The following ATRNL1 variants were observed in gnomAD, a reference collection of about 807,000 sequenced individuals.
ATRNL1 encodes the protein attractin like 1.
In ATRNL1, 95 loss-of-function variants were observed where a neutral mutation model predicts 182.7. That is an observed-to-expected ratio of 0.52 (90% CI 0.44 to 0.62). The LOEUF is 0.62. Among genes scored for constraint, ATRNL1 ranks in the 20% least tolerant of loss-of-function variants. The pLI is 0.00. For missense variants in ATRNL1, 1,471 were observed against 1,679.5 expected (o/e 0.88, Z 2.17); for synonymous variants, 576 against 568.3 (o/e 1.01, Z -0.19).
At chr10:115,802,807 G>A (rs1256472076) in intron 27 of ATRNL1, among the ~76,000 whole-genome samples, 1 of 152,102 alleles carries the variant, frequency 6.6e-6, no homozygotes, top group Non-Finnish European at 1.5e-5. Context: ...CCATAAATCA[G>A]CAAATCAGAT....
intron 13 of ATRNL1, among the ~76,000 whole-genome samples, chr10:115,278,023 T>C (rs1393128303): frequency 6.6e-6 from 1 of 152,178 alleles, no homozygotes; most frequent in Admixed American, 6.5e-5. Context: ...TATCTTTTTA[T>C]ATTGTATTGG....
intron 27 of ATRNL1, among the ~76,000 whole-genome samples, chr10:115,803,599 G>GT (rs71999018): frequency 0.25 from 36,389 of 146,826 alleles, 4,463 homozygotes; most frequent in South Asian, 0.36. Context: ...GTTTTTTTGT[G>GT]TTTTTTTTTT....
intron 24 of ATRNL1, among the ~76,000 whole-genome samples, chr10:115,486,266 T>C (rs1554975110): frequency 1.3e-5 from 2 of 152,158 alleles, no homozygotes; most frequent in African/African-American, 4.8e-5. Flanking sequence ...TACCCAGTAA[T>C]GAGATTGCTG....
chr10:115,653,053 T>A (rs1761993780), intron 26 of ATRNL1, among the ~76,000 whole-genome samples: 1 of 152,158 alleles, frequency 6.6e-6, no homozygotes, highest in Non-Finnish European at 1.5e-5. Context: ...AACTGTAAAC[T>A]AAATCAATAG....
chr10:115,674,078 G>A (rs1302720664), intron 26 of ATRNL1, among the ~76,000 whole-genome samples: 1 of 152,052 alleles, frequency 6.6e-6, no homozygotes, highest in African/African-American at 2.4e-5. Context: ...ATGTGCAAAG[G>A]AGAAAGCAAA....
chr10:115,534,955 TAG>T (rs1432812537), intron 25 of ATRNL1, among the ~76,000 whole-genome samples: 1 of 152,256 alleles, frequency 6.6e-6, no homozygotes, highest in Non-Finnish European at 1.5e-5. Flanking sequence ...TTCTGGCTTG[TAG>T]AGTTTCTGCT....
At chr10:115,894,032 T>G (rs529266240) in intron 28 of ATRNL1, among the ~76,000 whole-genome samples, 2 of 152,098 alleles carry the variant, frequency 1.3e-5, no homozygotes, top group South Asian at 4.2e-4. Flanking sequence ...GGGGAATAGA[T>G]GGAAATTTCA....
At chr10:115,371,773 T>C (rs1464154592) in intron 19 of ATRNL1, among the ~76,000 whole-genome samples, 14 of 152,046 alleles carry the variant, frequency 9.2e-5, no homozygotes, top group African/African-American at 3.4e-4. Context: ...GAAGACATGA[T>C]TGGTTTTGGA....
At chr10:115,104,541 T>A (rs539818424) in intron 1 of ATRNL1, among the ~76,000 whole-genome samples, 1 of 152,310 alleles carries the variant, frequency 6.6e-6, no homozygotes, top group East Asian at 1.9e-4. Flanking sequence ...AGAAACTTTT[T>A]AACTCGATAT....
intron 6 of ATRNL1, among the ~76,000 whole-genome samples, chr10:115,161,781 TCACAGG>T (rs1554883361): frequency 5.3e-5 from 8 of 152,102 alleles, no homozygotes; most frequent in Non-Finnish European, 8.8e-5. Context: ...GTTGCTGTTT[TCACAGG>T]TTAGAGAATA....
intron 27 of ATRNL1, among the ~76,000 whole-genome samples, 158 bp from the exon 28 acceptor site, chr10:115,847,719 C>A (rs1389565345): frequency 6.6e-6 from 1 of 152,148 alleles, no homozygotes; most frequent in Non-Finnish European, 1.5e-5. Flanking sequence ...GCCAAGTGCA[C>A]ATCCATAGTG....
chr10:115,502,593 A>C (rs1849901328), intron 24 of ATRNL1, among the ~76,000 whole-genome samples: 1 of 152,084 alleles, frequency 6.6e-6, no homozygotes, highest in Non-Finnish European at 1.5e-5. Flanking sequence ...TGACCATAGG[A>C]TATAACTTCC....
At chr10:115,681,496 A>G (rs1206625945) in intron 26 of ATRNL1, among the ~76,000 whole-genome samples, 4 of 152,134 alleles carry the variant, frequency 2.6e-5, no homozygotes, top group African/African-American at 9.7e-5. Flanking sequence ...CAGGACTGGT[A>G]TTCAAACCCA....
intron 28 of ATRNL1, among the ~76,000 whole-genome samples, chr10:115,879,850 C>T (rs569415053): frequency 6.6e-6 from 1 of 152,076 alleles, no homozygotes; most frequent in South Asian, 2.1e-4. Flanking sequence ...AGGGGAGCCT[C>T]GGAGAGGCTG....
chr10:115,906,108 T>G (rs2134505581), intron 28 of ATRNL1, among the ~76,000 whole-genome samples: 1 of 152,356 alleles, frequency 6.6e-6, no homozygotes, highest in Non-Finnish European at 1.5e-5. Context: ...TTAATCACTA[T>G]ACCCACATTA....
intron 10 of ATRNL1, among the ~76,000 whole-genome samples, chr10:115,258,557 AAC>A (rs1851258000): frequency 6.6e-6 from 1 of 151,996 alleles, no homozygotes; most frequent in African/African-American, 2.4e-5. Flanking sequence ...AATGGGTTCG[AAC>A]ATCCTCCTTT....
At chr10:115,310,647 T>G (rs1180666723) in intron 17 of ATRNL1, among the ~76,000 whole-genome samples, 1 of 152,204 alleles carries the variant, frequency 6.6e-6, no homozygotes, top group African/African-American at 2.4e-5. Flanking sequence ...TCTCAAATGA[T>G]CTTTTGTATT....
chr10:115,384,958 T>C (rs1349633361), intron 19 of ATRNL1, among the ~76,000 whole-genome samples: 1 of 152,036 alleles, frequency 6.6e-6, no homozygotes, highest in Non-Finnish European at 1.5e-5. Flanking sequence ...TATTATTTGT[T>C]AATATTGTTA....
At position 115,467,244 on chromosome 10, in the gene ATRNL1, G is replaced by T. The variant is rs782723937; in HGVS notation, c.3488G>T (p.Gly1163Val). 1.3e-5 allele frequency: 20 copies of T among 1,598,072 alleles called. No individual in the cohort carries two copies. The East Asian group carries it at 3.9e-4, about 31-fold the overall frequency. ...AATCTCAACATTACGTGGTCTGTCG[G>T]TTCAACAGGTAAAAAAATGTTGATG... Reference protein sequence around the residue: ...NFNLNITWSVGSTAGTISGEE... With the variant: ...NFNLNITWSVVSTAGTISGEE... Residue 1163 changes from glycine to valine, a missense_variant, in exon 23 of 29, where the codon GGT becomes GTT. Coordinates refer to ENST00000355044, the MANE Select transcript of ATRNL1 (RefSeq NM_207303.4).
Sources: gnomAD v4.1 joint callset for allele counts (sites outside exome capture counted in the v4.1 genomes callset) on GRCh38, gnomAD v4.1.1 for gene constraint, MANE v1.5 for transcripts, NCBI Gene and HGNC (gene_info 2026-07-23, HGNC 2026-07-21) for gene names.